The following BOP1 variants were observed in gnomAD, a reference collection of about 807,000 sequenced individuals.
BOP1 encodes BOP1 ribosomal biogenesis factor.
Under a neutral mutation model 82.9 loss-of-function variants are expected in BOP1, and 54 were observed. The ratio of observed to expected loss-of-function variants is 0.65; its 90% CI spans 0.52 to 0.82. The LOEUF is 0.82. Ranked by LOEUF, BOP1 falls within the 40% of genes least tolerant of loss-of-function variation. BOP1 has a pLI of 0.00. For missense variants in BOP1, 1,170 were observed against 1,072.0 expected, an observed-to-expected ratio of 1.09 and a Z score of -1.28; for synonymous variants, 566 against 451.1, an observed-to-expected ratio of 1.25 and a Z score of -3.23.
Position 144,263,038 on chromosome 8 carries a change from C to G in BOP1, c.1709G>C (p.Arg570Pro). The change falls in exon 13 of 16, where the codon CGC (arginine) becomes CCC (proline). Residue 570 changes from arginine (R) to proline (P), a missense_variant. Transcript: ENST00000569669. The part of the protein sequence containing the change: ...QVLIHQLSRR[R>P]SQSPFRRSHG... ...GCTGCGGCGGAACGGACTCTGGCTG[C>G]GGCGACGGCTCAGCTGGTGAATCAG... 1 of 1,571,018 alleles carries G rather than the reference C, an allele frequency of 6.4e-7. No homozygotes were observed. Among genetic ancestry groups the G allele is most frequent in the East Asian group, 2.3e-5 (1 of 43,562 alleles).
intron 3 of BOP1, chr8:144,266,608 G>GCCTCCC: frequency 8.7e-7 from 1 of 1,151,468 alleles, no homozygotes; most frequent in East Asian, 7.3e-5. Flanking sequence ...CGCCCCCGCC[G>GCCTCCC]GCCCCATGTC....
chr8:144,277,820 G>GGCAGGGGCGGTGCAGGCAGGGGCGATGCA (rs1554838467), intron 2 of BOP1, among the ~76,000 whole-genome samples: 1 of 145,516 alleles, frequency 6.9e-6, no homozygotes, highest in African/African-American at 2.5e-5. Flanking sequence ...GGGGCGGTGC[G>GGCAGGGGCGGTGCAGGCAGGGGCGATGCA]GGCAGGGGCG....
chr8:144,268,808 G>C (rs782148964), intron 3 of BOP1, among the ~76,000 whole-genome samples: 5,425 of 152,138 alleles, frequency 0.036, 94 homozygotes, highest in Middle Eastern at 0.068. Flanking sequence ...GGGACAGGGA[G>C]GCAGCGGCAG....
At chr8:144,266,768 C>G in intron 3 of BOP1, 1 of 1,073,822 alleles carries the variant, frequency 9.3e-7, no homozygotes, top group Non-Finnish European at 1.1e-6. Flanking sequence ...CTCCAGGGCG[C>G]CCGGCGGAGG....
At chr8:144,280,159 T>C (rs1370366440) in intron 2 of BOP1, among the ~76,000 whole-genome samples, 1 of 152,194 alleles carries the variant, frequency 6.6e-6, no homozygotes, top group African/African-American at 2.4e-5. Flanking sequence ...GACTCCCCCA[T>C]GGGGGCCAAG....
intron 3 of BOP1, chr8:144,267,263 C>A: frequency 7.1e-7 from 1 of 1,405,188 alleles, no homozygotes; most frequent in South Asian, 1.5e-5. Context: ...GGCGAGGCCA[C>A]ACGGGCAGGG....
intron 2 of BOP1, among the ~76,000 whole-genome samples, chr8:144,282,642 T>C (rs782137674): frequency 1.4e-4 from 21 of 151,992 alleles, no homozygotes; most frequent in Middle Eastern, 3.2e-3. Flanking sequence ...GGCCCACAGA[T>C]ACCCCAGGGA....
chr8:144,267,871 C>T (rs1845414915), intron 3 of BOP1, among the ~76,000 whole-genome samples: 1 of 152,262 alleles, frequency 6.6e-6, no homozygotes, highest in Non-Finnish European at 1.5e-5. Context: ...ATTTCCTCTC[C>T]AGACAGCACG....
intron 13 of BOP1, 47 bp downstream of exon 13, chr8:144,262,806 C>CCCCCCCCCACCCCTCACCTGCAGGGTGCA: frequency 4.7e-6 from 2 of 427,814 alleles, no homozygotes; most frequent in East Asian, 5.0e-5. Context: ...GTACACCGCC[C>CCCCCCCCCACCCCTCACCTGCAGGGTGCA]CCCCCCCCAC....
chr8:144,265,523 A>C, intron 3 of BOP1: 10 of 171,484 alleles, frequency 5.8e-5, no homozygotes, highest in Non-Finnish European at 1.1e-4. Context: ...TCTGTGGGGG[A>C]CCCCCCACCG....
rs1343769462 is a variant in BOP1, at chr8:144,266,483, C to G, written c.391-1412G>C. 3.0e-6 allele frequency: 3 copies of G among 985,230 alleles called. No homozygotes were observed. In the African/African-American group the frequency reaches 5.3e-5, roughly 17 times the overall value. The allele number at this position is 985,230 out of a possible 1,614,324, so 61.0% of individuals were successfully genotyped here. A position where few individuals can be genotyped will look rare whatever the true frequency, so the allele number is the denominator to read the frequency against. On this transcript the variant is annotated intron_variant, in intron 3 of 15. Coordinates refer to ENST00000569669, the MANE Select transcript of BOP1 (RefSeq NM_015201.5). ...GGGACGCACATGTGCGCGCGACGCC[C>G]GGCAGCTGCCACCGCGGGGCGCAGC...
intron 3 of BOP1, among the ~76,000 whole-genome samples, chr8:144,269,375 C>T (rs921577457): frequency 1.1e-4 from 17 of 152,194 alleles, no homozygotes; most frequent in African/African-American, 3.4e-4. Flanking sequence ...CCCAGTTCCC[C>T]GCTAGCACAG....
Position 144,263,216 on chromosome 8 carries a change from C to A in BOP1, c.1605+5G>T, listed in dbSNP as rs782772356. On this transcript the variant is annotated splice_donor_5th_base_variant and intron_variant, in intron 12 of 15. Coordinates refer to ENST00000569669, the MANE Select transcript of BOP1 (RefSeq NM_015201.5). ...GCAGCCTCACCCCCAAGGCGCCCCACGTACCTTCCCGTGGCAGATGCGCAG... is the reference window on the plus strand; with the variant it reads ...GCAGCCTCACCCCCAAGGCGCCCCAAGTACCTTCCCGTGGCAGATGCGCAG... The A allele has an allele frequency of 2.3e-5, 36 of 1,594,328 alleles. No individual in the cohort carries two copies. Among genetic ancestry groups the A allele is most frequent in the Middle Eastern group, 2.2e-4 (1 of 4,480 alleles).
chr8:144,272,203 G>A (rs1053342906), intron 3 of BOP1, among the ~76,000 whole-genome samples: 6 of 151,822 alleles, frequency 4.0e-5, no homozygotes, highest in African/African-American at 1.5e-4. Flanking sequence ...CCCCTCCTCG[G>A]CCTGCTCTGA....
intron 2 of BOP1, among the ~76,000 whole-genome samples, chr8:144,284,980 C>T (rs1250365556): frequency 6.6e-6 from 1 of 152,158 alleles, no homozygotes; most frequent in Non-Finnish European, 1.5e-5. Flanking sequence ...GGGCTCCCCG[C>T]TACAAGGGCC....
At chr8:144,271,486 C>T (rs1324791025) in intron 3 of BOP1, among the ~76,000 whole-genome samples, 1 of 152,028 alleles carries the variant, frequency 6.6e-6, no homozygotes, top group South Asian at 2.1e-4. Context: ...TAGTGTTCAG[C>T]GTTCGCGCCG....
At chr8:144,282,348 C>A (rs1457073904) in intron 2 of BOP1, among the ~76,000 whole-genome samples, 3 of 152,190 alleles carry the variant, frequency 2.0e-5, no homozygotes, top group African/African-American at 7.2e-5. Context: ...GGAGTAGGAA[C>A]CAGGCCAGGA....
chr8:144,288,346 G>A (rs950402980), intron 2 of BOP1, among the ~76,000 whole-genome samples: 15 of 150,598 alleles, frequency 1.0e-4, no homozygotes, highest in South Asian at 2.1e-4. Context: ...TGGCCAACAC[G>A]GCAAAACCCT....
intron 3 of BOP1, chr8:144,266,716 T>C: frequency 8.4e-7 from 1 of 1,190,548 alleles, no homozygotes; most frequent in Non-Finnish European, 1.1e-6. Context: ...CAGCTCGGGC[T>C]CCGACGAGAA....
Sources: gnomAD v4.1 joint callset for allele counts (sites outside exome capture counted in the v4.1 genomes callset) on GRCh38, gnomAD v4.1.1 for gene constraint, MANE v1.5 for transcripts, NCBI Gene and HGNC (gene_info 2026-07-23, HGNC 2026-07-21) for gene names.